ARHGAP26: variants seen among roughly 807,000 people sequenced by gnomAD.
The protein encoded by ARHGAP26 is Rho GTPase activating protein 26.
Under a neutral mutation model 104.8 loss-of-function variants are expected in ARHGAP26, and 38 were observed. That is an observed-to-expected ratio of 0.36 (90% CI 0.28 to 0.48). The LOEUF (loss-of-function observed/expected upper bound fraction) is 0.48, where lower values mean the gene tolerates loss of function less well. Among genes scored for constraint, ARHGAP26 ranks in the 20% least tolerant of loss-of-function variants. ARHGAP26 has a pLI of 0.99. For missense variants in ARHGAP26, 704 were observed against 947.9 expected (o/e 0.74, Z 3.38); for synonymous variants, 341 against 340.0 (o/e 1.00, Z -0.03).
chr5:142,922,390 C>G (rs1349111394), intron 10 of ARHGAP26, among the ~76,000 whole-genome samples: 1 of 151,440 alleles, frequency 6.6e-6, no homozygotes, highest in Non-Finnish European at 1.5e-5. Flanking sequence ...AATCAGCTGT[C>G]CTATATACAC....
chr5:143,038,562 G>A (rs1782981835), intron 13 of ARHGAP26, among the ~76,000 whole-genome samples: 2 of 151,822 alleles, frequency 1.3e-5, no homozygotes, highest in South Asian at 4.2e-4. Flanking sequence ...TGATGTTAAG[G>A]TACAAAATCA....
At chr5:143,161,201 G>A (rs1028730516) in intron 20 of ARHGAP26, among the ~76,000 whole-genome samples, 1 of 151,734 alleles carries the variant, frequency 6.6e-6, no homozygotes, top group Non-Finnish European at 1.5e-5. Flanking sequence ...TAGCAGAGAC[G>A]GGGTTTTACC....
intron 18 of ARHGAP26, among the ~76,000 whole-genome samples, chr5:143,126,027 T>A (rs1464026181): frequency 6.6e-6 from 1 of 152,188 alleles, no homozygotes; most frequent in African/African-American, 2.4e-5. Flanking sequence ...TAGCCAAAGA[T>A]AAGTAAAATA....
chr5:142,922,578 A>G (rs553087448), intron 10 of ARHGAP26, among the ~76,000 whole-genome samples: 1 of 152,306 alleles, frequency 6.6e-6, no homozygotes, highest in Non-Finnish European at 1.5e-5. Context: ...CTTTCTTGCA[A>G]AAACAAACAT....
chr5:142,904,520 T>C (rs1395863011), intron 8 of ARHGAP26, among the ~76,000 whole-genome samples: 1 of 92,020 alleles, frequency 1.1e-5, no homozygotes, highest in Non-Finnish European at 1.8e-5. Context: ...CCCTGTCTCT[T>C]AAAAGAAAAA....
intron 18 of ARHGAP26, among the ~76,000 whole-genome samples, chr5:143,129,447 GTGACT>G (rs1389569126): frequency 6.6e-6 from 1 of 152,196 alleles, no homozygotes; most frequent in East Asian, 1.9e-4. Flanking sequence ...GCGCTAGTAA[GTGACT>G]AAAATCAGAT....
chr5:142,945,572 C>T (rs1487661152), intron 11 of ARHGAP26, among the ~76,000 whole-genome samples: 2 of 152,132 alleles, frequency 1.3e-5, no homozygotes, highest in Non-Finnish European at 2.9e-5. Flanking sequence ...TTTGTTTCCT[C>T]CATCTGGAAG....
intron 11 of ARHGAP26, among the ~76,000 whole-genome samples, chr5:143,001,187 G>A (rs967334351): frequency 7.2e-5 from 11 of 152,130 alleles, no homozygotes; most frequent in African/African-American, 2.7e-4. Context: ...TGAGGGGTGG[G>A]AGTAAGATGG....
intron 20 of ARHGAP26, among the ~76,000 whole-genome samples, chr5:143,154,595 T>A (rs1035656493): frequency 3.3e-5 from 5 of 152,192 alleles, no homozygotes; most frequent in Non-Finnish European, 5.9e-5. Context: ...ACCTTGAATC[T>A]GAGACTGGAG....
chr5:142,773,278 A>G (rs1299061488), intron 1 of ARHGAP26, among the ~76,000 whole-genome samples: 1 of 152,232 alleles, frequency 6.6e-6, no homozygotes, highest in African/African-American at 2.4e-5. Flanking sequence ...AATTATATAA[A>G]CACTGGGTTT....
chr5:143,204,100 G>T (rs901932305), intron 20 of ARHGAP26, among the ~76,000 whole-genome samples: 4 of 151,800 alleles, frequency 2.6e-5, no homozygotes, highest in African/African-American at 9.7e-5. Flanking sequence ...GTACTATGGA[G>T]TATGCATTTT....
chr5:143,164,427 A>G (rs1801666826), intron 20 of ARHGAP26, among the ~76,000 whole-genome samples: 1 of 152,200 alleles, frequency 6.6e-6, no homozygotes, highest in East Asian at 1.9e-4. Context: ...GCCAGTTATT[A>G]AGTTATTAAG....
chr5:143,006,924 A>G (rs372823934), intron 11 of ARHGAP26, among the ~76,000 whole-genome samples: 1 of 152,152 alleles, frequency 6.6e-6, no homozygotes, highest in East Asian at 1.9e-4. Context: ...GTAACTTCTC[A>G]GGGGTGTTAT....
chr5:143,209,902 C>T (rs1809171979), intron 21 of ARHGAP26, among the ~76,000 whole-genome samples: 1 of 152,168 alleles, frequency 6.6e-6, no homozygotes, highest in South Asian at 2.1e-4. Context: ...AACCTGTACA[C>T]TGTAGTGTAT....
At chr5:143,167,515 A>AAAAAAAAAAAAAAAAAAAAAAG (rs1802162980) in intron 20 of ARHGAP26, among the ~76,000 whole-genome samples, 1 of 134,578 alleles carries the variant, frequency 7.4e-6, no homozygotes, top group African/African-American at 2.8e-5. Flanking sequence ...AAAAAAAAAA[A>AAAAAAAAAAAAAAAAAAAAAAG]AAAGAAATCC....
intron 18 of ARHGAP26, among the ~76,000 whole-genome samples, chr5:143,125,330 A>G (rs1796605695): frequency 6.6e-6 from 1 of 152,188 alleles, no homozygotes; most frequent in Non-Finnish European, 1.5e-5. Context: ...ACTCACACCC[A>G]CACATCCTCA....
chr5:143,219,760 G>C (rs1486400064), intron 22 of ARHGAP26, among the ~76,000 whole-genome samples: 3 of 152,194 alleles, frequency 2.0e-5, no homozygotes, highest in African/African-American at 7.2e-5. Flanking sequence ...GAAAATACAG[G>C]TTCCTGTGTC....
chr5:143,111,819 G>A (rs1040211069), intron 17 of ARHGAP26, among the ~76,000 whole-genome samples: 1 of 152,126 alleles, frequency 6.6e-6, no homozygotes, highest in Admixed American at 6.6e-5. Flanking sequence ...AGGGAGAGAC[G>A]CCTAGTGCAT....
In ARHGAP26 at chr5:143,121,024, G is replaced by T. The variant is rs1421450503; in HGVS notation, c.1575G>T (p.Val525=). ...ACCACAAGCAGAATTTGATGACGGT[G>T]GCAAACCTTGGTGTGGTGTTTGGAC... The part of the protein sequence containing the change: ...ANNHKQNLMT[V]ANLGVVFGPT... The change falls in exon 18 of 23, where the codon GTG becomes GTT. Residue 525 remains valine, a synonymous_variant. Transcript: ENST00000645722. 1.9e-6 allele frequency: 3 copies of T among 1,613,394 alleles called. No individual in the cohort carries two copies. In the Admixed American group the frequency reaches 5.0e-5, roughly 27 times the overall value.
Sources: allele counts gnomAD v4.1 joint callset (sites outside exome capture counted in the v4.1 genomes callset), GRCh38; gene constraint gnomAD v4.1.1; transcripts MANE v1.5; gene names NCBI Gene and HGNC (gene_info 2026-07-23, HGNC 2026-07-21).